The following GUCY1A2 variants were observed in gnomAD, a reference collection of about 807,000 sequenced individuals.
GUCY1A2 encodes the protein guanylate cyclase 1 soluble subunit alpha 2.
Under a neutral mutation model 63.5 loss-of-function variants are expected in GUCY1A2, and 27 were observed. That is an observed-to-expected ratio of 0.43 (90% CI 0.31 to 0.59). The LOEUF (loss-of-function observed/expected upper bound fraction) is 0.59. Among genes scored for constraint, GUCY1A2 ranks in the 20% least tolerant of loss-of-function variants. The pLI, the probability that GUCY1A2 is intolerant of heterozygous loss-of-function variation, is 0.11. For synonymous variants in GUCY1A2, 364 were observed against 343.5 expected, an observed-to-expected ratio of 1.06 and a Z score of -0.66; for missense variants, 768 against 913.3, an observed-to-expected ratio of 0.84 and a Z score of 2.05.
chr11:106,838,515 T>C (rs1339030407), intron 4 of GUCY1A2, among the ~76,000 whole-genome samples: 1 of 151,982 alleles, frequency 6.6e-6, no homozygotes, highest in Non-Finnish European at 1.5e-5. Flanking sequence ...TAATAACTAA[T>C]GGACAAACAA....
intron 3 of GUCY1A2, among the ~76,000 whole-genome samples, chr11:106,947,131 C>T (rs148945279): frequency 0.028 from 4,208 of 151,462 alleles, 97 homozygotes; most frequent in African/African-American, 0.06. Context: ...GCAGGAGAAT[C>T]GCTTGAACCT....
At chr11:106,985,381 A>T (rs911257972) in intron 2 of GUCY1A2, among the ~76,000 whole-genome samples, 2 of 152,228 alleles carry the variant, frequency 1.3e-5, no homozygotes, top group African/African-American at 4.8e-5. Flanking sequence ...AGCCAATTAG[A>T]GGTGTACCTC....
intron 6 of GUCY1A2, among the ~76,000 whole-genome samples, chr11:106,713,921 C>T (rs1355589387): frequency 1.3e-5 from 2 of 151,630 alleles, no homozygotes; most frequent in African/African-American, 2.4e-5. Context: ...TAAGACTGTC[C>T]GTTTGAGATT....
chr11:106,823,103 A>C (rs1162552951), intron 4 of GUCY1A2, among the ~76,000 whole-genome samples: 3 of 152,154 alleles, frequency 2.0e-5, no homozygotes, highest in Non-Finnish European at 4.4e-5. Flanking sequence ...TCTGAAAAAA[A>C]AATGTAGATT....
intron 6 of GUCY1A2, among the ~76,000 whole-genome samples, chr11:106,737,783 T>C (rs1296892839): frequency 6.6e-6 from 1 of 152,242 alleles, no homozygotes; most frequent in African/African-American, 2.4e-5. Context: ...CACATTTTCT[T>C]TATCCAGTCT....
In GUCY1A2 at chr11:106,961,705, C is replaced by G. The variant is rs542659466; in HGVS notation, c.487+16914G>C. The stretch of plus-strand genomic sequence containing the variant: ...CTGACTTTTCTCTTCTCAGCACATT[C>G]CTAGCCTTGCCAGTATATTATTGCT... On this transcript the variant is annotated intron_variant, in intron 3 of 7. Transcript: ENST00000526355. Among the ~76,000 whole-genome samples, 4 of 152,276 alleles carry G rather than the reference C, an allele frequency of 2.6e-5. No individual in the cohort carries two copies. In the South Asian group the frequency reaches 8.3e-4, roughly 32 times the overall value.
chr11:106,933,068 T>C (rs1400123252), intron 4 of GUCY1A2, among the ~76,000 whole-genome samples: 1 of 152,042 alleles, frequency 6.6e-6, no homozygotes, highest in Admixed American at 6.6e-5. Flanking sequence ...GGAAAGAATT[T>C]GTTACTAAGT....
At chr11:106,854,845 G>A (rs1859406025) in intron 4 of GUCY1A2, among the ~76,000 whole-genome samples, 1 of 152,242 alleles carries the variant, frequency 6.6e-6, no homozygotes, top group South Asian at 2.1e-4. Context: ...AGAACAGGCA[G>A]CTCTAAGGCT....
intron 5 of GUCY1A2, among the ~76,000 whole-genome samples, chr11:106,793,786 T>G (rs1190709289): frequency 2.0e-5 from 3 of 151,886 alleles, no homozygotes; most frequent in Non-Finnish European, 4.4e-5. Context: ...AAGTACAAAT[T>G]AAAGCCACAA....
chr11:106,830,160 G>A (rs1296970298), intron 4 of GUCY1A2, among the ~76,000 whole-genome samples: 2 of 152,122 alleles, frequency 1.3e-5, no homozygotes, highest in Non-Finnish European at 1.5e-5. Flanking sequence ...TGTGACATAA[G>A]ATTTATTGAT....
Position 106,776,508 on chromosome 11 carries a change from A to C in GUCY1A2, c.1767T>G (p.Ile589Met). 6.2e-7 allele frequency: 1 copy of C among 1,613,652 alleles called. No individual in the cohort carries two copies. Among genetic ancestry groups the C allele is most frequent in the South Asian group, 1.1e-5 (1 of 91,080 alleles). The change falls in exon 6 of 8, where the codon ATT becomes ATG. Residue 589 changes from isoleucine (I) to methionine (M), a missense_variant. Ile to Met is a conservative substitution (Grantham distance 10). Around this residue, in one of 3 missense-constraint regions of GUCY1A2, gnomAD observed 150 missense variants for 188.3 expected, o/e 0.80. Coordinates refer to ENST00000526355, the MANE Select transcript of GUCY1A2 (RefSeq NM_000855.3). The stretch of plus-strand genomic sequence containing the variant: ...CCATCATCTTCAAGGCCATCAGAGC[A>C]ATGGGTTTAGCATGGCAGAGGCTTT... Reference protein sequence around the residue: ...HRKSLCHAKPIALMALKMMEL... With the variant: ...HRKSLCHAKPMALMALKMMEL...
chr11:106,788,789 AT>A (rs1442709295), intron 5 of GUCY1A2, among the ~76,000 whole-genome samples: 1 of 152,102 alleles, frequency 6.6e-6, no homozygotes, highest in Non-Finnish European at 1.5e-5. Context: ...GTACCACGTT[AT>A]TTTGGTTACT....
chr11:106,983,719 A>AT (rs1484867299), intron 2 of GUCY1A2, among the ~76,000 whole-genome samples: 6 of 152,244 alleles, frequency 3.9e-5, no homozygotes, highest in Admixed American at 2.0e-4. Context: ...ATGCTGAGTT[A>AT]TTTCAAGACA....
chr11:106,913,998 A>AG (rs1188359458), intron 4 of GUCY1A2, among the ~76,000 whole-genome samples: 1 of 151,292 alleles, frequency 6.6e-6, no homozygotes, highest in African/African-American at 2.4e-5. Flanking sequence ...AAAAAAAAAA[A>AG]AAAAAGAAAG....
At position 106,791,424 on chromosome 11, in the gene GUCY1A2, G is replaced by A. The variant is rs113932664; in HGVS notation, c.1693-14842C>T. Among the ~76,000 whole-genome samples the A allele has an allele frequency of 1.4e-3, 208 of 152,288 alleles. 1 individual carries two copies. The highest frequency in any genetic ancestry group is 4.7e-3 in the African/African-American group (196 of 41,564). On this transcript the variant is annotated intron_variant, in intron 5 of 7. Coordinates refer to ENST00000526355, the MANE Select transcript of GUCY1A2 (RefSeq NM_000855.3). ...TCAGTGCCTCTTTCAGCGATATGAAGTTTAAATCAGATACTGTGAGTATTC... is the reference window on the plus strand; with the variant it reads ...TCAGTGCCTCTTTCAGCGATATGAAATTTAAATCAGATACTGTGAGTATTC...
At chr11:106,872,785 CT>C (rs1276602670) in intron 4 of GUCY1A2, among the ~76,000 whole-genome samples, 2 of 152,058 alleles carry the variant, frequency 1.3e-5, no homozygotes, top group African/African-American at 4.8e-5. Flanking sequence ...AAAAGCTGTT[CT>C]TTTTTTTCTT....
intron 4 of GUCY1A2, among the ~76,000 whole-genome samples, chr11:106,901,742 T>C (rs1223833509): frequency 1.3e-5 from 2 of 150,934 alleles, no homozygotes; most frequent in African/African-American, 4.9e-5. Flanking sequence ...CAGTGTTTGA[T>C]TTTTTGTTCT....
intron 4 of GUCY1A2, among the ~76,000 whole-genome samples, chr11:106,926,984 G>A (rs1365801917): frequency 6.7e-6 from 1 of 149,154 alleles, no homozygotes; most frequent in Non-Finnish European, 1.5e-5. Context: ...GTAATTCAGT[G>A]GTGAAGATTC....
In GUCY1A2 at chr11:106,675,509, A is replaced by G. The variant is rs538615164; in HGVS notation, c.*12040T>C. 2.0e-5 allele frequency: 4 copies of G among 199,962 alleles called. No individual in the cohort carries two copies. The highest frequency in any genetic ancestry group is 9.2e-5 in the African/African-American group (4 of 43,528). The allele number at this position is 199,962 out of a possible 1,614,324, so 12.4% of individuals were successfully genotyped here. ...ATTTTGCAGATCTGGGCCTTCAATA[A>G]CTTAGTAGAAGGCAATAAAATAGAG... On this transcript the variant is annotated 3_prime_UTR_variant, in exon 8 of 8. Transcript: ENST00000526355.
Sources: gnomAD v4.1 joint callset for allele counts (sites outside exome capture counted in the v4.1 genomes callset) on GRCh38, gnomAD v4.1.1 for gene constraint, gnomAD v4.1.1 regional missense constraint, MANE v1.5 for transcripts, NCBI Gene and HGNC (gene_info 2026-07-23, HGNC 2026-07-21) for gene names.